Variants in NT5DC1 observed in about 807,000 individuals in gnomAD.
NT5DC1 encodes the protein 5'-nucleotidase domain-containing protein 1.
In NT5DC1, 42 loss-of-function variants were observed where a neutral mutation model predicts 59.4. That is an observed-to-expected ratio of 0.71 (90% CI 0.55 to 0.92). The LOEUF (loss-of-function observed/expected upper bound fraction) is 0.92, where lower values mean the gene tolerates loss of function less well. NT5DC1 is among the 40% of genes least tolerant of loss of function. The pLI, the probability that NT5DC1 is intolerant of heterozygous loss-of-function variation, is 0.00. For synonymous variants in NT5DC1, 172 were observed against 188.1 expected (o/e 0.91, Z 0.70); for missense variants, 501 against 537.1 (o/e 0.93, Z 0.66).
chr6:116,107,763 G>A (rs986436775), intron 2 of NT5DC1, among the ~76,000 whole-genome samples: 20 of 151,776 alleles, frequency 1.3e-4, no homozygotes, highest in African/African-American at 4.4e-4. Flanking sequence ...TAATAGAGAT[G>A]GGGTTTCACC....
chr6:116,125,818 A>C (rs888119842), intron 6 of NT5DC1: 8 of 229,214 alleles, frequency 3.5e-5, no homozygotes, highest in African/African-American at 9.4e-5. Flanking sequence ...TGAAATATCT[A>C]ATAGTTTCAA....
intron 1 of NT5DC1, among the ~76,000 whole-genome samples, chr6:116,105,160 C>A (rs968135467): frequency 3.3e-5 from 5 of 152,302 alleles, no homozygotes; most frequent in Admixed American, 3.3e-4. Flanking sequence ...CCTTTGCTTT[C>A]TCCATGCTCA....
chr6:116,147,880 G>A (rs1016904095), intron 6 of NT5DC1, among the ~76,000 whole-genome samples: 1 of 151,998 alleles, frequency 6.6e-6, no homozygotes, highest in African/African-American at 2.4e-5. Context: ...CATTAAAAAG[G>A]TGGAGGCAGG....
chr6:116,117,997 G>C (rs552608202), intron 6 of NT5DC1, 52 bp downstream of exon 6: 1 of 913,986 alleles, frequency 1.1e-6, no homozygotes, highest in South Asian at 1.3e-5. Context: ...AGCTATGTTT[G>C]TCTAGTGAAT....
chr6:116,110,772 G>T (rs1382341975), intron 3 of NT5DC1, 78 bp from the exon 4 acceptor site: 2 of 1,025,714 alleles, frequency 1.9e-6, no homozygotes, highest in Non-Finnish European at 3.1e-6. Flanking sequence ...TGGCAACAGG[G>T]ATCAACAGTC....
chr6:116,114,044 C>T (rs1778923559), intron 4 of NT5DC1, among the ~76,000 whole-genome samples: 1 of 152,206 alleles, frequency 6.6e-6, no homozygotes, highest in African/African-American at 2.4e-5. Flanking sequence ...GGCATATCAT[C>T]TTCCTTTTTT....
At chr6:116,152,477 TTATC>T (rs1331432897) in intron 6 of NT5DC1, among the ~76,000 whole-genome samples, 3 of 152,084 alleles carry the variant, frequency 2.0e-5, no homozygotes, top group South Asian at 4.2e-4. Flanking sequence ...ATTATGGTGA[TTATC>T]TACCCCACCG....
intron 6 of NT5DC1, among the ~76,000 whole-genome samples, chr6:116,156,330 A>C (rs12210252): frequency 0.18 from 27,277 of 152,154 alleles, 3,272 homozygotes; most frequent in Middle Eastern, 0.33. Context: ...TTTAGGTTGT[A>C]GATCTCATTC....
At chr6:116,181,163 A>G (rs1780864238) in intron 6 of NT5DC1, among the ~76,000 whole-genome samples, 1 of 152,012 alleles carries the variant, frequency 6.6e-6, no homozygotes, top group African/African-American at 2.4e-5. Flanking sequence ...AGTTTGTTAT[A>G]CTCACCTCTC....
intron 9 of NT5DC1, 130 bp downstream of exon 9, chr6:116,237,214 A>C (rs946930874): frequency 2.1e-5 from 14 of 661,792 alleles, no homozygotes; most frequent in South Asian, 1.2e-4. Context: ...CAGGCTGTCT[A>C]TCTGTGATAG....
At chr6:116,180,074 A>G (rs756538989) in intron 6 of NT5DC1, among the ~76,000 whole-genome samples, 8 of 152,120 alleles carry the variant, frequency 5.3e-5, no homozygotes, top group East Asian at 3.8e-4. Flanking sequence ...TGAATTTATA[A>G]TGATCTAATT....
At chr6:116,123,834 A>G (rs1009845313) in intron 6 of NT5DC1, among the ~76,000 whole-genome samples, 2 of 152,356 alleles carry the variant, frequency 1.3e-5, no homozygotes, top group East Asian at 1.9e-4. Flanking sequence ...ATAATGGTGT[A>G]TATTAAGAGA....
intron 1 of NT5DC1, among the ~76,000 whole-genome samples, chr6:116,102,042 A>G (rs1254423111): frequency 6.6e-6 from 1 of 152,246 alleles, no homozygotes; most frequent in African/African-American, 2.4e-5. Context: ...ACCTCACAAG[A>G]TTGTTGCAAG....
At position 116,247,917 on chromosome 6, in the gene NT5DC1, C is replaced by T. The variant is rs1422016172; in HGVS notation, c.*3893C>T. 6.6e-6 allele frequency: 1 copy of T among 152,160 alleles called. No individual in the cohort carries two copies. Among genetic ancestry groups the T allele is most frequent in the Admixed American group, 6.5e-5 (1 of 15,272 alleles). The allele number at this position is 152,160 out of a possible 1,614,324, so 9.4% of individuals were successfully genotyped here. On this transcript the variant is annotated 3_prime_UTR_variant, in exon 12 of 12. Transcript: ENST00000319550. ...TTTTGGTACATTAAATATTCAGTGC[C>T]TTTGATGAAGGGAACAAACTGATAA...
rs1582887716 is a variant in NT5DC1 at position 116,238,124 on chromosome 6, TA to T, written c.922-62del. The T allele has an allele frequency of 5.5e-6, 7 of 1,265,438 alleles. No individual in the cohort carries two copies. The East Asian group carries it at 1.8e-4, about 32-fold the overall frequency. The allele number at this position is 1,265,438 out of a possible 1,614,324, so 78.4% of individuals were successfully genotyped here. On this transcript the variant is annotated intron_variant, in intron 9 of 11. Transcript: ENST00000319550. The stretch of plus-strand genomic sequence containing the variant: ...TGTTGAGAAATTTTCTTCTTCCTTA[TA>T]TGAAATAAATGCCACTTTCACAATT...
intron 6 of NT5DC1, among the ~76,000 whole-genome samples, chr6:116,187,230 A>C (rs139287516): frequency 6.6e-6 from 1 of 152,204 alleles, no homozygotes; most frequent in East Asian, 1.9e-4. Flanking sequence ...CAGGTCTCTT[A>C]GCTGTGGCTA....
At chr6:116,162,969 T>C (rs1282131855) in intron 6 of NT5DC1, among the ~76,000 whole-genome samples, 4 of 151,476 alleles carry the variant, frequency 2.6e-5, no homozygotes, top group African/African-American at 4.9e-5. Context: ...CTACTAAATA[T>C]ACAAAAAATT....
chr6:116,215,049 A>G (rs183656764), intron 6 of NT5DC1, among the ~76,000 whole-genome samples: 2 of 152,274 alleles, frequency 1.3e-5, no homozygotes, highest in East Asian at 3.9e-4. Flanking sequence ...CATCCAGAAT[A>G]GAACCCAGTT....
chr6:116,165,121 A>AAATC (rs1780434036), intron 6 of NT5DC1, among the ~76,000 whole-genome samples: 1 of 147,758 alleles, frequency 6.8e-6, no homozygotes, highest in Admixed American at 6.7e-5. Context: ...AAAAAAAATT[A>AAATC]TTGGCTGGCA....
Sources: gnomAD v4.1 joint callset for allele counts (sites outside exome capture counted in the v4.1 genomes callset) on GRCh38, gnomAD v4.1.1 for gene constraint, MANE v1.5 for transcripts, NCBI Gene and HGNC (gene_info 2026-07-23, HGNC 2026-07-21) for gene names.